KCNIP4: variants seen among roughly 807,000 people sequenced by gnomAD.
KCNIP4 encodes Kv channel-interacting protein 4.
A neutral mutation model predicts 34.0 loss-of-function variants in KCNIP4; 12 were observed. The ratio of observed to expected loss-of-function variants is 0.35; its 90% CI spans 0.23 to 0.57. KCNIP4 has a LOEUF of 0.57. Among genes scored for constraint, KCNIP4 ranks in the 20% least tolerant of loss-of-function variants. The pLI is 0.83. For synonymous variants in KCNIP4, 124 were observed against 102.2 expected (o/e 1.21, Z -1.29); for missense variants, 238 against 311.7 (o/e 0.76, Z 1.78).
chr4:21,548,673 A>G (rs1738329778), intron 1 of KCNIP4, among the ~76,000 whole-genome samples: 1 of 151,396 alleles, frequency 6.6e-6, no homozygotes, highest in Non-Finnish European at 1.5e-5. Flanking sequence ...AAAAAAATGG[A>G]TGGTTTAAAA....
intron 2 of KCNIP4, among the ~76,000 whole-genome samples, chr4:20,866,292 C>G (rs1722868737): frequency 6.6e-6 from 1 of 152,002 alleles, no homozygotes; most frequent in South Asian, 2.1e-4. Context: ...AGCAGCACAT[C>G]AAAAAGTTAA....
At chr4:20,902,928 G>A (rs1298087779) in intron 1 of KCNIP4, among the ~76,000 whole-genome samples, 2 of 152,180 alleles carry the variant, frequency 1.3e-5, no homozygotes, top group East Asian at 3.8e-4. Flanking sequence ...AGTGAAACAA[G>A]AAACATGGAA....
chr4:21,189,696 CAGTTA>C (rs1755490719), intron 1 of KCNIP4, among the ~76,000 whole-genome samples: 1 of 152,166 alleles, frequency 6.6e-6, no homozygotes, highest in Non-Finnish European at 1.5e-5. Context: ...CTATTCTCCT[CAGTTA>C]AAAGGTTTTG....
intron 1 of KCNIP4, among the ~76,000 whole-genome samples, chr4:21,052,550 TG>T (rs1285723830): frequency 6.6e-6 from 1 of 152,192 alleles, no homozygotes; most frequent in Non-Finnish European, 1.5e-5. Context: ...GCAGTCTTTA[TG>T]ATTTCTAGGA....
intron 3 of KCNIP4, among the ~76,000 whole-genome samples, chr4:20,842,911 A>AT (rs536947465): frequency 0.45 from 64,033 of 143,390 alleles, 14,276 homozygotes; most frequent in Non-Finnish European, 0.49. Context: ...CTGGATTTAC[A>AT]TTTTTTTTTT....
chr4:21,394,701 G>C (rs898785921), intron 1 of KCNIP4, among the ~76,000 whole-genome samples: 1 of 152,140 alleles, frequency 6.6e-6, no homozygotes, highest in Non-Finnish European at 1.5e-5. Context: ...CTGAGTTCTA[G>C]TTCTGTTCTC....
chr4:21,400,989 C>T (rs10015612), intron 1 of KCNIP4, among the ~76,000 whole-genome samples: 25,351 of 151,858 alleles, frequency 0.17, 3,840 homozygotes, highest in African/African-American at 0.39. Context: ...GGTGAAACCC[C>T]GTCTCTACTA....
rs373515753 is a variant in KCNIP4 at position 21,725,642 on chromosome 4, T to C, written c.61+222929A>G. Among the ~76,000 whole-genome samples the C allele has an allele frequency of 2.6e-5, 4 of 152,248 alleles. No individual in the cohort carries two copies. The East Asian group carries it at 5.8e-4, about 22-fold the overall frequency. Reference sequence around the variant, plus strand: ...AAATGACCTTATTATTTTGATATTCTACCTTACCTTCTCTGTAACTGAAAA... The same window carrying C: ...AAATGACCTTATTATTTTGATATTCCACCTTACCTTCTCTGTAACTGAAAA... On this transcript the variant is annotated intron_variant, in intron 1 of 8. Transcript: ENST00000382152.
chr4:21,714,566 G>A (rs1714001123), intron 1 of KCNIP4, among the ~76,000 whole-genome samples: 1 of 135,208 alleles, frequency 7.4e-6, no homozygotes, highest in African/African-American at 2.7e-5. Flanking sequence ...GGATTAATGG[G>A]GGAAGGAGAA....
intron 1 of KCNIP4, among the ~76,000 whole-genome samples, chr4:20,973,384 A>C (rs898923156): frequency 5.3e-5 from 8 of 152,216 alleles, no homozygotes; most frequent in South Asian, 2.1e-4. Context: ...CAGCCTTCAC[A>C]GAGATAAAGA....
intron 1 of KCNIP4, among the ~76,000 whole-genome samples, chr4:21,598,994 G>A (rs1199042205): frequency 6.6e-6 from 1 of 152,112 alleles, no homozygotes; most frequent in Non-Finnish European, 1.5e-5. Context: ...TTATGAAGTT[G>A]ATGCATTTGA....
chr4:20,821,154 G>A (rs907216753), intron 3 of KCNIP4, among the ~76,000 whole-genome samples: 2 of 152,216 alleles, frequency 1.3e-5, no homozygotes, highest in Non-Finnish European at 2.9e-5. Flanking sequence ...GTCTTCCCTG[G>A]GTTTTGGGTC....
chr4:21,308,237 C>T (rs991968751), intron 1 of KCNIP4, among the ~76,000 whole-genome samples: 6 of 152,164 alleles, frequency 3.9e-5, no homozygotes, highest in Admixed American at 6.5e-5. Context: ...CTTAAACTTG[C>T]TAAGCTTTGG....
intron 3 of KCNIP4, among the ~76,000 whole-genome samples, chr4:20,761,757 T>C (rs1020884672): frequency 1.3e-5 from 2 of 152,240 alleles, no homozygotes; most frequent in African/African-American, 4.8e-5. Flanking sequence ...CTATCTGATA[T>C]GCATGTGTTT....
intron 1 of KCNIP4, among the ~76,000 whole-genome samples, chr4:21,622,607 G>A (rs898934271): frequency 3.3e-5 from 5 of 151,994 alleles, no homozygotes; most frequent in Admixed American, 6.6e-5. Flanking sequence ...TATCACTGGA[G>A]CATGACTTCT....
At chr4:21,460,232 T>C (rs982025759) in intron 1 of KCNIP4, among the ~76,000 whole-genome samples, 4 of 151,944 alleles carry the variant, frequency 2.6e-5, no homozygotes, top group African/African-American at 7.3e-5. Flanking sequence ...CTCTATCTTA[T>C]CATTCCCCCA....
chr4:21,704,757 T>C (rs891582108), intron 1 of KCNIP4, among the ~76,000 whole-genome samples: 5 of 152,144 alleles, frequency 3.3e-5, no homozygotes, highest in Non-Finnish European at 5.9e-5. Flanking sequence ...CACTCATACA[T>C]GGACAGTGAA....
intron 1 of KCNIP4, among the ~76,000 whole-genome samples, chr4:21,881,054 T>C (rs546952212): frequency 3.9e-5 from 6 of 152,204 alleles, no homozygotes; most frequent in Admixed American, 1.3e-4. Flanking sequence ...TGTTGGAGTA[T>C]AGTTCATTTT....
chr4:20,855,612 G>A (rs1259743852), intron 2 of KCNIP4, among the ~76,000 whole-genome samples: 2 of 152,066 alleles, frequency 1.3e-5, no homozygotes, highest in Non-Finnish European at 2.9e-5. Flanking sequence ...AGGAAGAGAA[G>A]GTGAGTGGCA....
Sources: allele counts gnomAD v4.1 joint callset (sites outside exome capture counted in the v4.1 genomes callset), GRCh38; gene constraint gnomAD v4.1.1; transcripts MANE v1.5; gene names NCBI Gene and HGNC (gene_info 2026-07-23, HGNC 2026-07-21).